CAMKMT: variants seen among roughly 807,000 people sequenced by gnomAD.
CAMKMT encodes calmodulin-lysine N-methyltransferase.
A neutral mutation model predicts 48.0 loss-of-function variants in CAMKMT; 53 were observed. That is an observed-to-expected ratio of 1.10 (90% CI 0.89 to 1.39). The LOEUF is 1.39. Among genes scored for constraint, CAMKMT ranks in the 40% most tolerant of loss-of-function variants. The probability of loss-of-function intolerance (pLI) is 0.00; values close to 1 mark genes in which losing one functional copy is unlikely to be tolerated. For synonymous variants in CAMKMT, 165 were observed against 152.3 expected, an observed-to-expected ratio of 1.08 and a Z score of -0.61; for missense variants, 428 against 402.7, an observed-to-expected ratio of 1.06 and a Z score of -0.54.
intron 3 of CAMKMT, among the ~76,000 whole-genome samples, chr2:44,678,878 T>C (rs972084066): frequency 6.6e-6 from 1 of 152,212 alleles, no homozygotes; most frequent in Non-Finnish European, 1.5e-5. Flanking sequence ...TTTTCTTTAT[T>C]CATAATTATC....
At chr2:44,676,942 C>A (rs1675732054) in intron 3 of CAMKMT, among the ~76,000 whole-genome samples, 2 of 152,044 alleles carry the variant, frequency 1.3e-5, no homozygotes, top group African/African-American at 4.8e-5. Context: ...TTTTCTCTCT[C>A]TCAGAATTCT....
chr2:44,630,651 C>A (rs896194136), intron 3 of CAMKMT, among the ~76,000 whole-genome samples: 30 of 151,906 alleles, frequency 2.0e-4, no homozygotes, highest in Non-Finnish European at 3.2e-4. Context: ...AAAAAATGCT[C>A]ACCATCACTG....
chr2:44,771,268 C>T (rs1558845960), intron 10 of CAMKMT, among the ~76,000 whole-genome samples: 2 of 152,004 alleles, frequency 1.3e-5, no homozygotes, highest in East Asian at 3.8e-4. Context: ...ACAATTGGCT[C>T]ATAAATTCCA....
intron 3 of CAMKMT, among the ~76,000 whole-genome samples, chr2:44,532,256 A>C (rs1239178557): frequency 6.6e-6 from 1 of 152,164 alleles, no homozygotes; most frequent in Non-Finnish European, 1.5e-5. Context: ...AGAATGTACA[A>C]ATGTCTAGGA....
chr2:44,402,378 A>G (rs1201747338), intron 3 of CAMKMT, among the ~76,000 whole-genome samples: 1 of 151,392 alleles, frequency 6.6e-6, no homozygotes, highest in Admixed American at 6.6e-5. Flanking sequence ...TCCCCTTCAA[A>G]GTTTTACAGT....
At chr2:44,458,819 T>A (rs968938880) in intron 3 of CAMKMT, among the ~76,000 whole-genome samples, 1 of 152,238 alleles carries the variant, frequency 6.6e-6, no homozygotes, top group African/African-American at 2.4e-5. Flanking sequence ...AAAAGTGTTT[T>A]TTTTCTTCTT....
intron 2 of CAMKMT, among the ~76,000 whole-genome samples, chr2:44,388,747 A>T (rs375169886): frequency 6.6e-6 from 1 of 152,084 alleles, no homozygotes; most frequent in African/African-American, 2.4e-5. Flanking sequence ...GTGGCTTCCT[A>T]TGAGCAGAAC....
At chr2:44,557,805 A>C (rs992686693) in intron 3 of CAMKMT, among the ~76,000 whole-genome samples, 6 of 151,878 alleles carry the variant, frequency 4.0e-5, no homozygotes, top group Non-Finnish European at 8.8e-5. Context: ...TTCTAATTTC[A>C]TGTTGCTGTT....
At chr2:44,591,877 G>A (rs1359778256) in intron 3 of CAMKMT, among the ~76,000 whole-genome samples, 1 of 152,034 alleles carries the variant, frequency 6.6e-6, no homozygotes, top group Non-Finnish European at 1.5e-5. Context: ...GGAATACTAT[G>A]CAGCCATAAA....
intron 3 of CAMKMT, among the ~76,000 whole-genome samples, chr2:44,494,118 T>C (rs1669642970): frequency 1.3e-5 from 2 of 152,238 alleles, no homozygotes; most frequent in Non-Finnish European, 2.9e-5. Context: ...GAAATACCAT[T>C]CATTTTATAG....
At chr2:44,680,089 G>A (rs1477702988) in intron 3 of CAMKMT, among the ~76,000 whole-genome samples, 1 of 152,112 alleles carries the variant, frequency 6.6e-6, no homozygotes, top group Non-Finnish European at 1.5e-5. Flanking sequence ...TTAATCAGCG[G>A]TGTTTTCTTT....
intron 3 of CAMKMT, among the ~76,000 whole-genome samples, chr2:44,638,059 C>A (rs143133293): frequency 0.38 from 22,075 of 57,842 alleles, 2,216 homozygotes; most frequent in Admixed American, 0.5. Context: ...CATCTCAAAC[C>A]AAAAAAAAAA....
chr2:44,468,043 T>A (rs1668220975), intron 3 of CAMKMT, among the ~76,000 whole-genome samples: 1 of 151,888 alleles, frequency 6.6e-6, no homozygotes, highest in Admixed American at 6.6e-5. Flanking sequence ...CACAACAGAA[T>A]AAACAATCAA....
chr2:44,474,973 A>G (rs1421480680), intron 3 of CAMKMT, among the ~76,000 whole-genome samples: 5 of 152,356 alleles, frequency 3.3e-5, no homozygotes, highest in Admixed American at 6.5e-5. Context: ...ATGACAAGAA[A>G]AGACCTGAGA....
intron 3 of CAMKMT, among the ~76,000 whole-genome samples, chr2:44,628,803 T>C (rs1431230424): frequency 1.3e-5 from 2 of 152,340 alleles, no homozygotes; most frequent in African/African-American, 4.8e-5. Flanking sequence ...TATTGTTTAA[T>C]TGCCAAATAT....
intron 9 of CAMKMT, among the ~76,000 whole-genome samples, chr2:44,758,801 G>A (rs113854185): frequency 1.8e-4 from 28 of 152,214 alleles, no homozygotes; most frequent in African/African-American, 6.0e-4. Context: ...AAATATAGGC[G>A]CAGCAGCCTG....
At chr2:44,551,887 C>G (rs1667733390) in intron 3 of CAMKMT, among the ~76,000 whole-genome samples, 1 of 152,124 alleles carries the variant, frequency 6.6e-6, no homozygotes, top group Admixed American at 6.6e-5. Flanking sequence ...ACCTTGTATA[C>G]CTATGGAGAG....
intron 3 of CAMKMT, among the ~76,000 whole-genome samples, chr2:44,685,387 C>A (rs55922000): frequency 0.046 from 7,021 of 152,138 alleles, 542 homozygotes; most frequent in African/African-American, 0.16. Flanking sequence ...GGAGGGAGTT[C>A]TTTCAGCTTA....
intron 3 of CAMKMT, among the ~76,000 whole-genome samples, chr2:44,473,118 G>T (rs1668510656): frequency 6.6e-6 from 1 of 152,186 alleles, no homozygotes; most frequent in Non-Finnish European, 1.5e-5. Flanking sequence ...TGGTGAAATG[G>T]TAGCTGAACT....
Sources: allele counts gnomAD v4.1 joint callset (sites outside exome capture counted in the v4.1 genomes callset), GRCh38; gene constraint gnomAD v4.1.1; transcripts MANE v1.5; gene names NCBI Gene and HGNC (gene_info 2026-07-23, HGNC 2026-07-21).